Variants in IL33 observed in about 807,000 individuals in gnomAD.
IL33 encodes the protein interleukin 33.
IL33 carries 37 observed loss-of-function variants against 27.3 expected under a neutral mutation model. The observed-to-expected ratio is 1.36, with a 90% confidence interval of 1.04 to 1.78. IL33 has a LOEUF of 1.78. IL33 is among the 40% of genes most tolerant of loss of function. The probability of loss-of-function intolerance (pLI) is 0.00; values close to 1 mark genes in which losing one functional copy is unlikely to be tolerated. For missense variants in IL33, 406 were observed against 311.4 expected (o/e 1.30, Z -2.29); for synonymous variants, 132 against 102.9 (o/e 1.28, Z -1.71).
At chr9:6,222,074 T>C (rs920787229) in intron 1 of IL33, among the ~76,000 whole-genome samples, 25 of 152,260 alleles carry the variant, frequency 1.6e-4, no homozygotes, top group African/African-American at 6.0e-4. Context: ...TCCAGACCTT[T>C]GAGTTGCATT....
exon 8 of IL33, chr9:6,257,978 AATGT>A (rs1816836467): frequency 6.6e-6 from 1 of 152,228 alleles, no homozygotes; most frequent in East Asian, 1.9e-4. Context: ...ATATTTTCCA[AATGT>A]ATGTGAGACT....
Position 6,251,151 on chromosome 9 carries a change from A to C in IL33, c.229A>C (p.Lys77Gln). 6.2e-7 allele frequency: 1 copy of C among 1,613,862 alleles called. No individual in the cohort carries two copies. The highest frequency in any genetic ancestry group is 1.1e-5 in the South Asian group (1 of 91,068). The change falls in exon 4 of 8, where the codon AAA (lysine) becomes CAA (glutamine). Residue 77 changes from lysine to glutamine, a missense_variant. Transcript: ENST00000682010. ...RPSLKTGRKH[K>Q]RHLVLAACQQ... is the part of the protein sequence containing the mutation. ...CATCCGGTCTGCAGGTAGAAAGCACAAAAGACATCTGGTACTCGCTGCCTG... is the reference window on the plus strand; with the variant it reads ...CATCCGGTCTGCAGGTAGAAAGCACCAAAGACATCTGGTACTCGCTGCCTG...
chr9:6,215,178 G>A (rs555998964), upstream of IL33, among the ~76,000 whole-genome samples: 18 of 152,172 alleles, frequency 1.2e-4, no homozygotes, highest in Non-Finnish European at 2.6e-4. Flanking sequence ...GAGAGAGGGT[G>A]AGTAGGAGCA....
At chr9:6,245,118 C>G (rs1587651377) in intron 2 of IL33, among the ~76,000 whole-genome samples, 1 of 152,070 alleles carries the variant, frequency 6.6e-6, no homozygotes, top group Non-Finnish European at 1.5e-5. Flanking sequence ...ACTTTCTCTT[C>G]CCTAAAAATC....
At position 6,254,557 on chromosome 9, in the gene IL33, A is replaced by AC. The variant is rs1564076392; in HGVS notation, c.612+4_612+5insC. ...CAACAAGGAACACTCTGTGGAGGTA[A>AC]AAAAAAAAAATTTATCTATATCTAT... is the stretch of plus-strand genomic sequence containing the variant. On this transcript the variant is annotated splice_donor_region_variant and intron_variant, in intron 7 of 7. Transcript: ENST00000682010. The AC allele has an allele frequency of 6.8e-7, 1 of 1,480,902 alleles. No individual in the cohort carries two copies. The highest frequency in any genetic ancestry group is 9.1e-7 in the Non-Finnish European group (1 of 1,097,578). The allele number at this position is 1,480,902 out of a possible 1,614,324, so 91.7% of individuals were successfully genotyped here.
At chr9:6,252,776 C>T in intron 4 of IL33, 90 bp from the exon 5 acceptor site, 1 of 1,511,042 alleles carries the variant, frequency 6.6e-7, no homozygotes, top group Non-Finnish European at 9.0e-7. Flanking sequence ...AAATGCAACT[C>T]AAATTGCAAA....
At chr9:6,230,227 T>C (rs1371489658) in intron 1 of IL33, among the ~76,000 whole-genome samples, 1 of 152,164 alleles carries the variant, frequency 6.6e-6, no homozygotes, top group Non-Finnish European at 1.5e-5. Context: ...AAAGCTTCCC[T>C]AAAATCTCAC....
intron 1 of IL33, among the ~76,000 whole-genome samples, chr9:6,223,300 A>G (rs1238337650): frequency 6.6e-6 from 1 of 152,154 alleles, no homozygotes; most frequent in Non-Finnish European, 1.5e-5. Context: ...TTTTTTGTAA[A>G]TGAACGTAAC....
intron 1 of IL33, among the ~76,000 whole-genome samples, chr9:6,227,640 T>C (rs1474464675): frequency 1.3e-5 from 2 of 152,168 alleles, no homozygotes; most frequent in Non-Finnish European, 2.9e-5. Context: ...TTTGAAAACT[T>C]CTTCCAACCA....
At chr9:6,232,634 T>C (rs1818979380) in intron 1 of IL33, among the ~76,000 whole-genome samples, 1 of 152,124 alleles carries the variant, frequency 6.6e-6, no homozygotes, top group African/African-American at 2.4e-5. Flanking sequence ...GTGTGCACAT[T>C]TCCCAGGGCT....
intron 1 of IL33, among the ~76,000 whole-genome samples, chr9:6,223,646 T>G (rs1209103181): frequency 6.6e-6 from 1 of 152,202 alleles, no homozygotes; most frequent in African/African-American, 2.4e-5. Context: ...ATACATTAGT[T>G]GTTTGCCATT....
At chr9:6,235,787 G>C (rs1295309171) in intron 1 of IL33, among the ~76,000 whole-genome samples, 2 of 152,090 alleles carry the variant, frequency 1.3e-5, no homozygotes, top group African/African-American at 4.8e-5. Context: ...CATTTCAAAG[G>C]TAATGACACT....
intron 2 of IL33, among the ~76,000 whole-genome samples, chr9:6,249,938 A>G (rs1237412029): frequency 6.6e-6 from 1 of 152,164 alleles, no homozygotes. Flanking sequence ...AATCCCTCCA[A>G]AATTATTAAA....
chr9:6,227,478 AT>A (rs1333316318), intron 1 of IL33, among the ~76,000 whole-genome samples: 4 of 152,240 alleles, frequency 2.6e-5, no homozygotes, highest in Non-Finnish European at 5.9e-5. Flanking sequence ...TGGAAACAGC[AT>A]ATTTCATTAA....
intron 1 of IL33, among the ~76,000 whole-genome samples, chr9:6,220,225 C>G (rs1419783621): frequency 1.3e-5 from 2 of 152,090 alleles, no homozygotes; most frequent in Non-Finnish European, 2.9e-5. Context: ...TAATCAGCAC[C>G]CAGTTTACAT....
chr9:6,253,663 T>A, intron 6 of IL33, 61 bp downstream of exon 6: 1 of 1,305,062 alleles, frequency 7.7e-7, no homozygotes, highest in Admixed American at 2.1e-5. Context: ...TAAAGATAAA[T>A]CCAAAAAAAT....
In IL33 at chr9:6,241,724, C is replaced by T. The variant is rs1819539017; in HGVS notation, c.30C>T (p.Asn10=). ...AGCCTAAAATGAAGTATTCAACCAA[C>T]AAAATTTCCACAGCAAAGTGGAAGA... The part of the protein sequence containing the change: MKPKMKYST[N]KISTAKWKNT... Residue 10 remains asparagine (N), a synonymous_variant, in exon 2 of 8, where the codon AAC becomes AAT. Coordinates refer to ENST00000682010, the MANE Select transcript of IL33 (RefSeq NM_033439.4). 1.2e-6 allele frequency: 2 copies of T among 1,611,422 alleles called. No individual in the cohort carries two copies. The highest frequency in any genetic ancestry group is 1.7e-6 in the Non-Finnish European group (2 of 1,178,416).
At chr9:6,230,062 T>C (rs188666781) in intron 1 of IL33, among the ~76,000 whole-genome samples, 1 of 151,900 alleles carries the variant, frequency 6.6e-6, no homozygotes, top group East Asian at 1.9e-4. Context: ...ATGTAGAGAG[T>C]ATGGAGGGAG....
rs79547637 is a variant in IL33 at position 6,225,254 on chromosome 9, T to G, written c.-12+9402T>G. On this transcript the variant is annotated intron_variant, in intron 1 of 7. Transcript: ENST00000682010. ...GTGTAACAATTATTCAAACAATTAT[T>G]AAATTCTATACATGAAACATAAGGA... Among the ~76,000 whole-genome samples, 125 of 152,298 alleles carry G rather than the reference T, an allele frequency of 8.2e-4. 2 individuals carry two copies. In the East Asian group the frequency reaches 0.019, roughly 24 times the overall value.
Sources: allele counts gnomAD v4.1 joint callset (sites outside exome capture counted in the v4.1 genomes callset), GRCh38; gene constraint gnomAD v4.1.1; transcripts MANE v1.5; gene names NCBI Gene and HGNC (gene_info 2026-07-23, HGNC 2026-07-21).